RTTN: variants seen among roughly 807,000 people sequenced by gnomAD.
RTTN encodes the protein rotatin.
In RTTN, 182 loss-of-function variants were observed where a neutral mutation model predicts 269.2. The observed-to-expected ratio is 0.68, with a 90% confidence interval of 0.60 to 0.76. RTTN has a LOEUF of 0.76. RTTN is among the 30% of genes least tolerant of loss of function. The pLI, the probability that RTTN is intolerant of heterozygous loss-of-function variation, is 0.00. For missense variants in RTTN, 2,545 were observed against 2,608.6 expected (o/e 0.98, Z 0.53); for synonymous variants, 1,006 against 963.5 (o/e 1.04, Z -0.82).
chr18:70,134,973 A>G (rs539535047), intron 22 of RTTN, among the ~76,000 whole-genome samples: 7 of 152,344 alleles, frequency 4.6e-5, no homozygotes, highest in Middle Eastern at 6.8e-3. Context: ...GTTTATATTT[A>G]GTAATGTTTA....
intron 9 of RTTN, 37 bp from the exon 10 acceptor site, chr18:70,188,260 G>A (rs771765287): frequency 1.8e-6 from 2 of 1,121,402 alleles, no homozygotes; most frequent in Non-Finnish European, 2.7e-6. Context: ...AGGAGAAGAA[G>A]TTACTTAACT....
At chr18:70,037,766 G>T (rs538267118) in intron 40 of RTTN, among the ~76,000 whole-genome samples, 46 of 152,298 alleles carry the variant, frequency 3.0e-4, no homozygotes, top group African/African-American at 1.1e-3. Flanking sequence ...TGCATCTTAG[G>T]TATCAGCTCA....
At chr18:70,051,691 A>G in intron 38 of RTTN, 143 bp from the exon 39 acceptor site, 2 of 538,722 alleles carry the variant, frequency 3.7e-6, no homozygotes, top group Non-Finnish European at 6.1e-6. Context: ...CTAATTCAGC[A>G]TTATCCAAAA....
chr18:70,020,328 G>T (rs865857555), intron 45 of RTTN, among the ~76,000 whole-genome samples: 1 of 152,100 alleles, frequency 6.6e-6, no homozygotes, highest in Non-Finnish European at 1.5e-5. Flanking sequence ...AATGTAAGAC[G>T]GCTATCTTTC....
At chr18:70,202,556 T>C (rs530447482) in intron 3 of RTTN, among the ~76,000 whole-genome samples, 6 of 152,352 alleles carry the variant, frequency 3.9e-5, no homozygotes, top group African/African-American at 1.4e-4. Flanking sequence ...CCCTAAACCA[T>C]TCCTCTACTT....
intron 34 of RTTN, 83 bp from the exon 35 acceptor site, chr18:70,066,005 A>G: frequency 4.6e-6 from 4 of 865,194 alleles, no homozygotes; most frequent in Non-Finnish European, 1.7e-6. Flanking sequence ...AGATATCCTT[A>G]AACAAGGAGG....
At chr18:70,092,620 C>T in intron 29 of RTTN, 56 bp downstream of exon 29, 7 of 1,577,816 alleles carry the variant, frequency 4.4e-6, no homozygotes, top group Non-Finnish European at 6.1e-6. Flanking sequence ...GTGTTGGACA[C>T]AGCACATTCC....
At chr18:70,123,217 G>C (rs1211464338) in intron 25 of RTTN, among the ~76,000 whole-genome samples, 1 of 151,886 alleles carries the variant, frequency 6.6e-6, no homozygotes, top group African/African-American at 2.4e-5. Flanking sequence ...ATTTTTAACT[G>C]ACAAATAATA....
chr18:70,036,194 G>T (rs567240606), intron 40 of RTTN, among the ~76,000 whole-genome samples: 1 of 152,292 alleles, frequency 6.6e-6, no homozygotes, highest in Admixed American at 6.5e-5. Context: ...TCATTACAGG[G>T]TATACACCCA....
chr18:70,049,545 T>C (rs529009462), intron 39 of RTTN, among the ~76,000 whole-genome samples: 1 of 152,288 alleles, frequency 6.6e-6, no homozygotes, highest in South Asian at 2.1e-4. Context: ...TTAAAAATTG[T>C]ATCATGCATT....
At position 70,006,564 on chromosome 18, in the gene RTTN, C is replaced by T. The variant is rs1051552747; in HGVS notation, c.6422-80G>A. 58 of 1,031,948 alleles carry T rather than the reference C, an allele frequency of 5.6e-5. No homozygotes were observed. In the Admixed American group the frequency reaches 1.0e-3, roughly 18 times the overall value. 63.9% of individuals were successfully genotyped at this position (1,031,948 alleles called of 1,614,324 possible). The stretch of plus-strand genomic sequence containing the variant: ...CTTATCTTGGACTAGTCAGACACCC[C>T]CCTCTTTTCCCATTAGAATGCATAC... On this transcript the variant is annotated intron_variant, in intron 46 of 48. Coordinates refer to ENST00000640769, the MANE Select transcript of RTTN (RefSeq NM_173630.4).
chr18:70,154,142 A>C (rs925649797), intron 14 of RTTN, among the ~76,000 whole-genome samples: 1 of 152,268 alleles, frequency 6.6e-6, no homozygotes, highest in Admixed American at 6.5e-5. Flanking sequence ...TAGAATTTTC[A>C]AAATTACTAA....
intron 32 of RTTN, among the ~76,000 whole-genome samples, chr18:70,079,311 G>A (rs1478203183): frequency 1.3e-5 from 2 of 151,796 alleles, no homozygotes. Context: ...TCTGAAATAG[G>A]CACATATTAC....
chr18:70,016,335 T>C (rs759925262), intron 46 of RTTN, among the ~76,000 whole-genome samples: 7 of 152,198 alleles, frequency 4.6e-5, no homozygotes, highest in Non-Finnish European at 8.8e-5. Context: ...ATCTTAAACA[T>C]TTATCATGTA....
intron 7 of RTTN, 38 bp from the exon 8 acceptor site, chr18:70,193,491 A>G: frequency 7.5e-7 from 1 of 1,340,182 alleles, no homozygotes; most frequent in Non-Finnish European, 1.0e-6. Context: ...ATTCTTTAGT[A>G]GAAACAGACT....
chr18:70,059,498 C>T (rs1199162334), intron 36 of RTTN, among the ~76,000 whole-genome samples: 4 of 152,128 alleles, frequency 2.6e-5, no homozygotes, highest in Non-Finnish European at 5.9e-5. Flanking sequence ...GATATGACCA[C>T]TAAAAAGATG....
chr18:70,164,357 A>C (rs1185665256), intron 14 of RTTN, among the ~76,000 whole-genome samples: 1 of 151,506 alleles, frequency 6.6e-6, no homozygotes, highest in Non-Finnish European at 1.5e-5. Context: ...GACTACAGGC[A>C]CATGCCACCA....
At position 70,205,660 on chromosome 18, in the gene RTTN, T is replaced by C. The variant is rs2088732492; in HGVS notation, c.-2A>G. On this transcript the variant is annotated 5_prime_UTR_variant, in exon 1 of 49. Coordinates refer to ENST00000640769, the MANE Select transcript of RTTN (RefSeq NM_173630.4). ...CCTGATGAGCCCTGCCAGGACCATCTCGTCCCGTCAATCTGCAGCCGCCGG... is the reference window on the plus strand; with the variant it reads ...CCTGATGAGCCCTGCCAGGACCATCCCGTCCCGTCAATCTGCAGCCGCCGG... The C allele has an allele frequency of 2.5e-6, 4 of 1,614,056 alleles. No homozygotes were observed. Among genetic ancestry groups the C allele is most frequent in the East Asian group, 4.5e-5 (2 of 44,858 alleles).
chr18:70,205,452 C>T (rs2062053547), intron 1 of RTTN, 137 bp from the exon 2 acceptor site: 1 of 1,366,568 alleles, frequency 7.3e-7, no homozygotes, highest in South Asian at 1.3e-5. Context: ...CTTCGGGACG[C>T]GAACCGCGAA....
Sources: allele counts gnomAD v4.1 joint callset (sites outside exome capture counted in the v4.1 genomes callset), GRCh38; gene constraint gnomAD v4.1.1; transcripts MANE v1.5; gene names NCBI Gene and HGNC (gene_info 2026-07-23, HGNC 2026-07-21).